The following SPOCK1 variants were observed in gnomAD, a reference collection of about 807,000 sequenced individuals.
SPOCK1 encodes the protein SPARC (osteonectin), cwcv and kazal like domains proteoglycan 1, also known as testican-1.
In SPOCK1, 23 loss-of-function variants were observed where a neutral mutation model predicts 55.3. The observed-to-expected ratio is 0.42, with a 90% CI of 0.30 to 0.59. The LOEUF is 0.59. Ranked by LOEUF, SPOCK1 falls within the 20% of genes least tolerant of loss-of-function variation. The pLI is 0.22. For missense variants in SPOCK1, 499 were observed against 552.5 expected, an observed-to-expected ratio of 0.90 and a Z score of 0.97; for synonymous variants, 226 against 221.0, an observed-to-expected ratio of 1.02 and a Z score of -0.20.
chr5:137,061,484 G>C (rs1481374631), intron 6 of SPOCK1, among the ~76,000 whole-genome samples: 1 of 152,180 alleles, frequency 6.6e-6, no homozygotes, highest in Non-Finnish European at 1.5e-5. Context: ...AGCTCAGCTG[G>C]AGGGAAGTTG....
chr5:137,099,887 A>C (rs560346885), intron 5 of SPOCK1, among the ~76,000 whole-genome samples: 1 of 152,184 alleles, frequency 6.6e-6, no homozygotes. Context: ...AAATCTCTTG[A>C]GCTTCCCTAC....
intron 3 of SPOCK1, among the ~76,000 whole-genome samples, chr5:137,184,274 G>C (rs1445520716): frequency 6.6e-6 from 1 of 152,160 alleles, no homozygotes; most frequent in Non-Finnish European, 1.5e-5. Context: ...CTGATAACCA[G>C]AGTCAGAGGA....
chr5:137,417,117 C>T (rs1009408939), intron 2 of SPOCK1, among the ~76,000 whole-genome samples: 1 of 152,048 alleles, frequency 6.6e-6, no homozygotes, highest in African/African-American at 2.4e-5. Flanking sequence ...AATATTTTCT[C>T]CCAGCAGGTG....
intron 3 of SPOCK1, among the ~76,000 whole-genome samples, chr5:137,213,676 C>T (rs1397193046): frequency 6.6e-6 from 1 of 152,182 alleles, no homozygotes; most frequent in East Asian, 1.9e-4. Context: ...GTTGATGAGC[C>T]TCTAGTTCCC....
intron 3 of SPOCK1, among the ~76,000 whole-genome samples, chr5:137,250,907 C>G (rs934698509): frequency 9.2e-5 from 14 of 152,318 alleles, no homozygotes; most frequent in African/African-American, 3.1e-4. Context: ...TAGCAACACT[C>G]CTATTCTACA....
chr5:137,310,216 C>T (rs182297700), intron 2 of SPOCK1, among the ~76,000 whole-genome samples: 184 of 151,930 alleles, frequency 1.2e-3, no homozygotes, highest in African/African-American at 4.3e-3. Flanking sequence ...AAAACGTAGG[C>T]GCAAAGTGCT....
At chr5:137,203,468 C>T (rs1203022559) in intron 3 of SPOCK1, among the ~76,000 whole-genome samples, 1 of 152,058 alleles carries the variant, frequency 6.6e-6, no homozygotes, top group East Asian at 1.9e-4. Context: ...TGAATGGCTC[C>T]AGGCCTAAGC....
intron 2 of SPOCK1, among the ~76,000 whole-genome samples, chr5:137,290,282 C>T (rs573618300): frequency 6.6e-6 from 1 of 152,244 alleles, no homozygotes; most frequent in Non-Finnish European, 1.5e-5. Context: ...AATTGCTATG[C>T]ATTACCAGAG....
intron 2 of SPOCK1, among the ~76,000 whole-genome samples, chr5:137,332,893 G>A (rs146602748): frequency 2.3e-4 from 35 of 152,242 alleles, no homozygotes; most frequent in African/African-American, 5.5e-4. Context: ...AATGAGTGCC[G>A]CAAAAATGAG....
intron 2 of SPOCK1, among the ~76,000 whole-genome samples, chr5:137,268,942 C>T (rs1039445871): frequency 3.7e-5 from 5 of 133,770 alleles, no homozygotes; most frequent in Non-Finnish European, 8.2e-5. Context: ...TCACAGGCCA[C>T]ATTCTCTTTG....
chr5:137,183,892 C>T (rs1755017686), intron 3 of SPOCK1, among the ~76,000 whole-genome samples: 1 of 152,216 alleles, frequency 6.6e-6, no homozygotes, highest in Non-Finnish European at 1.5e-5. Context: ...CTTAAAGTCA[C>T]CCATCCCCCT....
chr5:137,263,327 A>G (rs149994571), intron 3 of SPOCK1, among the ~76,000 whole-genome samples: 552 of 152,280 alleles, frequency 3.6e-3, no homozygotes, highest in African/African-American at 0.012. Flanking sequence ...TTGACCATCA[A>G]TGGTTTTCTT....
chr5:137,471,235 T>C (rs897725161), intron 2 of SPOCK1, among the ~76,000 whole-genome samples: 1 of 152,262 alleles, frequency 6.6e-6, no homozygotes, highest in Non-Finnish European at 1.5e-5. Context: ...AAGTGAAATT[T>C]ATTTTTTACA....
intron 6 of SPOCK1, among the ~76,000 whole-genome samples, chr5:137,036,291 T>C (rs962579675): frequency 8.3e-4 from 11 of 13,224 alleles, no homozygotes; most frequent in African/African-American, 2.4e-3. Flanking sequence ...CCTTGCCCAT[T>C]TTTTTTTTTC....
chr5:137,096,343 C>G (rs1197725548), intron 5 of SPOCK1, among the ~76,000 whole-genome samples: 1 of 152,004 alleles, frequency 6.6e-6, no homozygotes, highest in Non-Finnish European at 1.5e-5. Context: ...ATGACAACCA[C>G]TTCTGAGTGA....
intron 6 of SPOCK1, among the ~76,000 whole-genome samples, chr5:137,025,130 AG>A (rs1405809160): frequency 6.6e-6 from 1 of 152,192 alleles, no homozygotes; most frequent in Non-Finnish European, 1.5e-5. Flanking sequence ...TACTAATCAA[AG>A]GGCATGAAGT....
chr5:137,282,155 G>A (rs182154406), intron 2 of SPOCK1, among the ~76,000 whole-genome samples: 3 of 152,294 alleles, frequency 2.0e-5, no homozygotes, highest in Admixed American at 1.3e-4. Flanking sequence ...ACTATATTTT[G>A]TAGTTGACCC....
chr5:137,238,066 G>T (rs1756213140), intron 3 of SPOCK1, among the ~76,000 whole-genome samples: 1 of 152,122 alleles, frequency 6.6e-6, no homozygotes, highest in African/African-American at 2.4e-5. Context: ...GGGCAAGACT[G>T]GTTCACCTCT....
chr5:137,008,138 G>A (rs564585507), intron 6 of SPOCK1, among the ~76,000 whole-genome samples: 6 of 151,532 alleles, frequency 4.0e-5, no homozygotes, highest in Non-Finnish European at 5.9e-5. Context: ...GGGGCCTGTC[G>A]GGGGGTGGGG....
Sources: allele counts gnomAD v4.1 joint callset (sites outside exome capture counted in the v4.1 genomes callset), GRCh38; gene constraint gnomAD v4.1.1; transcripts MANE v1.5; gene names NCBI Gene and HGNC (gene_info 2026-07-23, HGNC 2026-07-21).